NAB1: variants seen among roughly 807,000 people sequenced by gnomAD.
NAB1 encodes the protein NGFI-A-binding protein 1.
Under a neutral mutation model 49.9 loss-of-function variants are expected in NAB1, and 25 were observed. The ratio of observed to expected loss-of-function variants is 0.50; its 90% CI spans 0.37 to 0.70. NAB1 has a LOEUF of 0.70. NAB1 is among the 30% of genes least tolerant of loss of function. The probability of loss-of-function intolerance (pLI) is 0.00; values close to 1 mark genes in which losing one functional copy is unlikely to be tolerated. For missense variants in NAB1, 489 were observed against 575.9 expected (o/e 0.85, Z 1.54); for synonymous variants, 198 against 215.6 (o/e 0.92, Z 0.71).
At position 190,686,357 on chromosome 2, in the gene NAB1, GAAAA is replaced by G. The variant is rs993528009; in HGVS notation, c.1258+724_1258+727del. ...TTTCAAATAGTAATAAGTGTTTGAA[GAAAA>G]AAAATAATTTTATAGTGCCTCCTTT... On this transcript the variant is annotated intron_variant, in intron 8 of 9. Coordinates refer to ENST00000337386, the MANE Select transcript of NAB1 (RefSeq NM_005966.4). The surrounding 1 kb of genome is among the most constrained non-coding windows in gnomAD (Gnocchi z 5.5). 6.6e-6 allele frequency among the ~76,000 whole-genome samples: 1 copy of G among 151,824 alleles called. No individual in the cohort carries two copies. Among genetic ancestry groups the G allele is most frequent in the East Asian group, 1.9e-4 (1 of 5,194 alleles).
At position 190,682,482 on chromosome 2, in the gene NAB1, A is replaced by G. The variant is rs1158953016; in HGVS notation, c.1006-1256A>G. On this transcript the variant is annotated intron_variant, in intron 6 of 9. Transcript: ENST00000337386. The surrounding 1 kb of genome is among the most constrained non-coding windows in gnomAD (Gnocchi z 4.1). The stretch of plus-strand genomic sequence containing the variant: ...AGCCAACATGAAGGAATCCTTGAGC[A>G]ATTCAGGTTGGGATTATCGGTTAGC... 6.6e-6 allele frequency among the ~76,000 whole-genome samples: 1 copy of G among 152,258 alleles called. No individual in the cohort carries two copies. Among genetic ancestry groups the G allele is most frequent in the African/African-American group, 2.4e-5 (1 of 41,462 alleles).
rs570472089 is a variant in NAB1 at position 190,672,066 on chromosome 2, G to T, written c.954-1035G>T. 4.6e-5 allele frequency among the ~76,000 whole-genome samples: 7 copies of T among 152,142 alleles called. 1 individual carries two copies. The South Asian group carries it at 1.5e-3, about 32-fold the overall frequency. ...TGGGATTACAGGCGTGAGCCACTGTGCCTAGGCTCACCTTTCCTTTAAAGT... is the reference window on the plus strand; with the variant it reads ...TGGGATTACAGGCGTGAGCCACTGTTCCTAGGCTCACCTTTCCTTTAAAGT... On this transcript the variant is annotated intron_variant, in intron 5 of 9. Coordinates refer to ENST00000337386, the MANE Select transcript of NAB1 (RefSeq NM_005966.4).
In NAB1 at chr2:190,651,049, CTTG is replaced by C. The variant is rs1693641540; in HGVS notation, c.-197+1070_-197+1072del. On this transcript the variant is annotated intron_variant, in intron 2 of 9. Coordinates refer to ENST00000337386, the MANE Select transcript of NAB1 (RefSeq NM_005966.4). This position sits in a 1 kb window ranked among gnomAD's most constrained non-coding sequence, Gnocchi z 4.3. ...GTTTTTTTCCCGACTCTGATGGTCT[CTTG>C]TTACTTGTGAAGGTATCAATAATAA... Among the ~76,000 whole-genome samples, 1 of 152,126 alleles carries C rather than the reference CTTG, an allele frequency of 6.6e-6. No homozygotes were observed. Among genetic ancestry groups the C allele is most frequent in the Non-Finnish European group, 1.5e-5 (1 of 68,016 alleles).
upstream of NAB1, chr2:190,649,000 C>T (rs1316275711): frequency 1.2e-5 from 1 of 84,100 alleles, no homozygotes; most frequent in African/African-American, 4.3e-5. Context: ...CGGAGGCGGG[C>T]GGGGGAGGGG....
In NAB1 at chr2:190,667,713, T is replaced by G. The variant is rs1694595914; in HGVS notation, c.820-2613T>G. Among the ~76,000 whole-genome samples the G allele has an allele frequency of 6.6e-6, 1 of 152,144 alleles. No individual in the cohort carries two copies. Among genetic ancestry groups the G allele is most frequent in the Admixed American group, 6.5e-5 (1 of 15,270 alleles). ...AATTAATATAAATTACAGTTATAAATTTGGGGAGGAGGATGTTAAATATCT... is the reference window on the plus strand; with the variant it reads ...AATTAATATAAATTACAGTTATAAAGTTGGGGAGGAGGATGTTAAATATCT... On this transcript the variant is annotated intron_variant, in intron 4 of 9. Transcript: ENST00000337386. The surrounding 1 kb of genome is among the most constrained non-coding windows in gnomAD (Gnocchi z 4.4).
In NAB1 at chr2:190,685,448, CT is replaced by C. The variant is rs772817661; in HGVS notation, c.1096-27del. ...TAAAAAATCTAGAATGTTTCAGTTACTGATTTGATTTTTGCTTTACTTACTA... is the reference window on the plus strand; with the variant it reads ...TAAAAAATCTAGAATGTTTCAGTTACGATTTGATTTTTGCTTTACTTACTA... On this transcript the variant is annotated intron_variant, in intron 7 of 9. Coordinates refer to ENST00000337386, the MANE Select transcript of NAB1 (RefSeq NM_005966.4). This position sits in a 1 kb window ranked among gnomAD's most constrained non-coding sequence, Gnocchi z 4.5. 2 of 1,571,728 alleles carry C rather than the reference CT, an allele frequency of 1.3e-6. No individual in the cohort carries two copies. The highest frequency in any genetic ancestry group is 4.5e-5 in the East Asian group (2 of 44,084).
rs1188266226 is a variant in NAB1 at position 190,669,134 on chromosome 2, G to A, written c.820-1192G>A. On this transcript the variant is annotated intron_variant, in intron 4 of 9. Coordinates refer to ENST00000337386, the MANE Select transcript of NAB1 (RefSeq NM_005966.4). This position sits in a 1 kb window ranked among gnomAD's most constrained non-coding sequence, Gnocchi z 4.3. ...GAGTATAGACAGTGTAGATACACTG[G>A]ACAAAGGGATGATTCATCACTTGGA... 2.0e-5 allele frequency among the ~76,000 whole-genome samples: 3 copies of A among 152,148 alleles called. No individual in the cohort carries two copies. Among genetic ancestry groups the A allele is most frequent in the Non-Finnish European group, 4.4e-5 (3 of 68,026 alleles).
At chr2:190,672,825 T>G (rs894793145) in intron 5 of NAB1, among the ~76,000 whole-genome samples, 1 of 152,040 alleles carries the variant, frequency 6.6e-6, no homozygotes, top group Non-Finnish European at 1.5e-5. Context: ...AAAAAAAAAT[T>G]ATTGAGTGGC....
In NAB1 at chr2:190,670,498, T is replaced by C. The variant is rs373256422; in HGVS notation, c.953+39T>C. 93 of 1,604,650 alleles carry C rather than the reference T, an allele frequency of 5.8e-5. No individual in the cohort carries two copies. The highest frequency in any genetic ancestry group is 7.2e-5 in the Non-Finnish European group (84 of 1,173,584). On this transcript the variant is annotated intron_variant, in intron 5 of 9. Transcript: ENST00000337386. The surrounding 1 kb of genome is among the most constrained non-coding windows in gnomAD (Gnocchi z 5.3). Reference sequence around the variant, plus strand: ...TAATCGTCATTATTTTTGCATTGCTTGAGAGAAGTAGAGTTCGAAACATCA... The same window carrying C: ...TAATCGTCATTATTTTTGCATTGCTCGAGAGAAGTAGAGTTCGAAACATCA...
At chr2:190,665,636 C>T (rs1221403512) in intron 4 of NAB1, among the ~76,000 whole-genome samples, 1 of 152,218 alleles carries the variant, frequency 6.6e-6, no homozygotes, top group East Asian at 1.9e-4. Flanking sequence ...AGTGAATTCC[C>T]TAGAGGTTAT....
chr2:190,665,162 C>A (rs570839703), intron 4 of NAB1, among the ~76,000 whole-genome samples: 8 of 151,886 alleles, frequency 5.3e-5, no homozygotes, highest in East Asian at 1.9e-4. Context: ...ATTAAAGATA[C>A]CTTTGTGTAA....
Position 190,686,438 on chromosome 2 carries a change from TAAAAGG to T in NAB1, c.1259-761_1259-756del, listed in dbSNP as rs1193514512. ...GAGAGTGGTTATTATTGTAAAAAAA[TAAAAGG>T]ATTCCTAGGTAAGGATACCATCTTA... On this transcript the variant is annotated intron_variant, in intron 8 of 9. Transcript: ENST00000337386. The surrounding 1 kb of genome is among the most constrained non-coding windows in gnomAD (Gnocchi z 5.5). Among the ~76,000 whole-genome samples the T allele has an allele frequency of 5.3e-5, 8 of 152,144 alleles. No individual in the cohort carries two copies. Among genetic ancestry groups the T allele is most frequent in the African/African-American group, 1.9e-4 (8 of 41,436 alleles).
rs1334302038 is a variant in NAB1 at position 190,673,142 on chromosome 2, T to C, written c.995T>C (p.Ile332Thr). The C allele has an allele frequency of 6.2e-7, 1 of 1,611,358 alleles. No individual in the cohort carries two copies. The highest frequency in any genetic ancestry group is 8.5e-7 in the Non-Finnish European group (1 of 1,178,998). The change falls in exon 6 of 10, where the codon ATT (isoleucine) becomes ACT (threonine). Residue 332 changes from isoleucine (I) to threonine (T), a missense_variant. Ile to Thr is a moderately conservative substitution (Grantham distance 89, BLOSUM62 -1). Coordinates refer to ENST00000337386, the MANE Select transcript of NAB1 (RefSeq NM_005966.4). ...GERDELSPKRIKVEDGFPDFQ... is the reference protein window; with the variant it reads ...GERDELSPKRTKVEDGFPDFQ... ...AGAGATGAATTATCCCCAAAGAGAATTAAAGTGGAGGTATGGTCATATGTT... is the reference window on the plus strand; with the variant it reads ...AGAGATGAATTATCCCCAAAGAGAACTAAAGTGGAGGTATGGTCATATGTT...
At position 190,692,473 on chromosome 2, in the gene NAB1, A is replaced by G. The variant is rs1026075066; in HGVS notation, c.*2140A>G. 5 of 152,656 alleles carry G rather than the reference A, an allele frequency of 3.3e-5. No individual in the cohort carries two copies. The East Asian group carries it at 7.7e-4, about 23-fold the overall frequency. 9.5% of individuals were successfully genotyped at this position (152,656 alleles called of 1,614,324 possible). Reference sequence around the variant, plus strand: ...TACAGTTTTTATTTTGTAAACACTAATGTATTAAACTTGCTATACATTAAA... The same window carrying G: ...TACAGTTTTTATTTTGTAAACACTAGTGTATTAAACTTGCTATACATTAAA... On this transcript the variant is annotated 3_prime_UTR_variant, in exon 10 of 10. Coordinates refer to ENST00000337386, the MANE Select transcript of NAB1 (RefSeq NM_005966.4). The surrounding 1 kb of genome is among the most constrained non-coding windows in gnomAD (Gnocchi z 5.2).
chr2:190,683,663 T>G (rs1422235973), intron 6 of NAB1, 75 bp from the exon 7 acceptor site: 2 of 1,048,088 alleles, frequency 1.9e-6, no homozygotes, highest in Non-Finnish European at 2.8e-6. Flanking sequence ...AAGAGTTTGC[T>G]TTATTTTCAA....
rs1694672980 is a variant in NAB1 at position 190,669,109 on chromosome 2, G to GAGTATAGAC, written c.820-1213_820-1205dup. 6.6e-6 allele frequency among the ~76,000 whole-genome samples: 1 copy of GAGTATAGAC among 152,204 alleles called. No homozygotes were observed. The highest frequency in any genetic ancestry group is 2.1e-4 in the South Asian group (1 of 4,830). On this transcript the variant is annotated intron_variant, in intron 4 of 9. Coordinates refer to ENST00000337386, the MANE Select transcript of NAB1 (RefSeq NM_005966.4). This position sits in a 1 kb window ranked among gnomAD's most constrained non-coding sequence, Gnocchi z 4.3. ...TGGCCACCAAGTGACTGACAGCCAG[G>GAGTATAGAC]AGTATAGACAGTGTAGATACACTGG...
Position 190,682,821 on chromosome 2 carries a change from A to G in NAB1, c.1006-917A>G, listed in dbSNP as rs1202771251. ...ACAAGAATTCTTAGTGCTGACAAGG[A>G]AATTGTCATGTATTGCTTGTGGTAT... On this transcript the variant is annotated intron_variant, in intron 6 of 9. Coordinates refer to ENST00000337386, the MANE Select transcript of NAB1 (RefSeq NM_005966.4). This position sits in a 1 kb window ranked among gnomAD's most constrained non-coding sequence, Gnocchi z 4.1. Among the ~76,000 whole-genome samples, 1 of 152,210 alleles carries G rather than the reference A, an allele frequency of 6.6e-6. No individual in the cohort carries two copies. The highest frequency in any genetic ancestry group is 1.5e-5 in the Non-Finnish European group (1 of 68,016).
At position 190,684,337 on chromosome 2, in the gene NAB1, C is replaced by A. The variant is rs566905433; in HGVS notation, c.1095+510C>A. On this transcript the variant is annotated intron_variant, in intron 7 of 9. Coordinates refer to ENST00000337386, the MANE Select transcript of NAB1 (RefSeq NM_005966.4). The surrounding 1 kb of genome is among the most constrained non-coding windows in gnomAD (Gnocchi z 4.6). ...TGAAATTAAAATTTTAAAATGCTTT[C>A]TGCAAACATCATCTTTTAGAAAGCA... Among the ~76,000 whole-genome samples, 3 of 152,252 alleles carry A rather than the reference C, an allele frequency of 2.0e-5. No individual in the cohort carries two copies. Among genetic ancestry groups the A allele is most frequent in the East Asian group, 1.9e-4 (1 of 5,194 alleles).
rs2125897014 is a variant in NAB1, at chr2:190,689,375, A to G, written c.1376-870A>G. Among the ~76,000 whole-genome samples, 1 of 152,298 alleles carries G rather than the reference A, an allele frequency of 6.6e-6. No homozygotes were observed. Among genetic ancestry groups the G allele is most frequent in the Non-Finnish European group, 1.5e-5 (1 of 68,018 alleles). ...AGCCAGCAGGAATTCAATAAATAGTAGCTACTTTTTTTTACTACTCTTACG... is the reference window on the plus strand; with the variant it reads ...AGCCAGCAGGAATTCAATAAATAGTGGCTACTTTTTTTTACTACTCTTACG... On this transcript the variant is annotated intron_variant, in intron 9 of 9. Coordinates refer to ENST00000337386, the MANE Select transcript of NAB1 (RefSeq NM_005966.4). The surrounding 1 kb of genome is among the most constrained non-coding windows in gnomAD (Gnocchi z 4.3).
Sources: allele counts gnomAD v4.1 joint callset (sites outside exome capture counted in the v4.1 genomes callset), GRCh38; gene constraint gnomAD v4.1.1; non-coding constraint Gnocchi (gnomAD v3.1); transcripts MANE v1.5; gene names NCBI Gene and HGNC (gene_info 2026-07-23, HGNC 2026-07-21).